The following MMS22L variants were observed in gnomAD, a reference collection of about 807,000 sequenced individuals.
MMS22L encodes MMS22 like, DNA repair protein.
In MMS22L, 74 loss-of-function variants were observed where a neutral mutation model predicts 159.1. That is an observed-to-expected ratio of 0.47 (90% CI 0.39 to 0.56). The LOEUF (loss-of-function observed/expected upper bound fraction) is 0.56. Among genes scored for constraint, MMS22L ranks in the 20% least tolerant of loss-of-function variants. The pLI, the probability that MMS22L is intolerant of heterozygous loss-of-function variation, is 0.00. For missense variants in MMS22L, 1,351 were observed against 1,422.1 expected (o/e 0.95, Z 0.80); for synonymous variants, 517 against 506.9 (o/e 1.02, Z -0.27).
At chr6:97,228,011 G>A (rs1050597370) in intron 14 of MMS22L, among the ~76,000 whole-genome samples, 8 of 152,196 alleles carry the variant, frequency 5.3e-5, no homozygotes, top group African/African-American at 1.9e-4. Flanking sequence ...GTTAATTTCA[G>A]AGCAAACTGG....
chr6:97,190,530 A>T (rs1368891380), intron 14 of MMS22L, among the ~76,000 whole-genome samples: 1 of 152,202 alleles, frequency 6.6e-6, no homozygotes. Flanking sequence ...AAATTTGCTG[A>T]ATGTCAAGTT....
intron 20 of MMS22L, among the ~76,000 whole-genome samples, chr6:97,167,007 T>C (rs2128248618): frequency 1.3e-5 from 2 of 152,276 alleles, no homozygotes; most frequent in South Asian, 2.1e-4. Flanking sequence ...TGAAAAAAGA[T>C]TGTTACATAA....
chr6:97,222,069 A>G (rs1024271015), intron 14 of MMS22L, among the ~76,000 whole-genome samples: 13 of 152,114 alleles, frequency 8.5e-5, no homozygotes, highest in African/African-American at 2.7e-4. Flanking sequence ...TCAAGTGAAC[A>G]GTTCCTCTTG....
chr6:97,233,345 A>C (rs1811067709), intron 12 of MMS22L, among the ~76,000 whole-genome samples: 1 of 152,126 alleles, frequency 6.6e-6, no homozygotes, highest in Non-Finnish European at 1.5e-5. Context: ...TTCTGTTAGA[A>C]AATTCTACTC....
In MMS22L at chr6:97,179,394, G is replaced by A. The variant is rs181680864; in HGVS notation, c.2536+14C>T. ...GATACCCCCATCCTCCCCAAAAAAC[G>A]TACACTTACTTACCAACTGCCTCTT... On this transcript the variant is annotated intron_variant, in intron 17 of 24. Coordinates refer to ENST00000683635, the MANE Select transcript of MMS22L (RefSeq NM_001350599.2). 7.5e-5 allele frequency: 121 copies of A among 1,607,520 alleles called. No individual in the cohort carries two copies. The highest frequency in any genetic ancestry group is 2.4e-4 in the African/African-American group (18 of 74,740).
At position 97,146,345 on chromosome 6, in the gene MMS22L, T is replaced by TC. The variant is rs1800926669; in HGVS notation, c.*460dup. On this transcript the variant is annotated 3_prime_UTR_variant, in exon 25 of 25. Transcript: ENST00000683635. ...ACACAGTCACATTTCCCAACACCTT[T>TC]CCCCCACCAAAAACACAGTATAGGG... is the stretch of plus-strand genomic sequence containing the variant. The TC allele has an allele frequency of 1.3e-5, 2 of 152,268 alleles. No homozygotes were observed. The highest frequency in any genetic ancestry group is 2.9e-5 in the Non-Finnish European group (2 of 68,206). 9.4% of individuals were successfully genotyped at this position (152,268 alleles called of 1,614,324 possible).
intron 14 of MMS22L, among the ~76,000 whole-genome samples, chr6:97,196,525 T>C (rs1444989956): frequency 1.3e-5 from 2 of 152,162 alleles, no homozygotes; most frequent in African/African-American, 4.8e-5. Flanking sequence ...GTAACTATAG[T>C]ATTGATAAGG....
intron 12 of MMS22L, 43 bp from the exon 13 acceptor site, chr6:97,231,695 C>T (rs757153330): frequency 4.3e-6 from 6 of 1,392,234 alleles, no homozygotes; most frequent in Non-Finnish European, 5.0e-6. Context: ...TTATTAGTCT[C>T]TTAGTAAATA....
At chr6:97,192,807 GTGTT>G (rs1271630661) in intron 14 of MMS22L, among the ~76,000 whole-genome samples, 1 of 152,076 alleles carries the variant, frequency 6.6e-6, no homozygotes, top group African/African-American at 2.4e-5. Context: ...CCTATTCTAA[GTGTT>G]TGACCTTTTA....
intron 24 of MMS22L, 27 bp downstream of exon 24, chr6:97,149,826 C>A (rs758974763): frequency 1.9e-6 from 3 of 1,550,746 alleles, no homozygotes; most frequent in Non-Finnish European, 2.6e-6. Flanking sequence ...ACTGCCCCCC[C>A]CAATGTAATT....
intron 14 of MMS22L, among the ~76,000 whole-genome samples, chr6:97,203,926 A>G (rs1562455292): frequency 6.6e-6 from 1 of 152,222 alleles, no homozygotes; most frequent in African/African-American, 2.4e-5. Context: ...TATTTAATGC[A>G]TATTAACAAG....
intron 16 of MMS22L, among the ~76,000 whole-genome samples, chr6:97,180,997 G>A (rs1804647176): frequency 6.6e-6 from 1 of 152,152 alleles, no homozygotes; most frequent in Admixed American, 6.5e-5. Context: ...AGAGGACTAA[G>A]ATCTCATAAA....
rs1562488778 is a variant in MMS22L, at chr6:97,234,023, G to T, written c.1183-43C>A. ...GTTATGAGAAGGTAAATGGGCTCTG[G>T]CAATATAAACATTTTCACTTGATAT... On this transcript the variant is annotated intron_variant, in intron 11 of 24. Transcript: ENST00000683635. 3 of 1,578,090 alleles carry T rather than the reference G, an allele frequency of 1.9e-6. No homozygotes were observed. The South Asian group carries it at 3.5e-5, about 19-fold the overall frequency.
In MMS22L at chr6:97,142,267, A is replaced by T. The variant is rs901290741; in HGVS notation, c.*4539T>A. On this transcript the variant is annotated 3_prime_UTR_variant, in exon 25 of 25. Coordinates refer to ENST00000683635, the MANE Select transcript of MMS22L (RefSeq NM_001350599.2). ...ATGTCCACAATTTTTCTAAAAGCACAATTCACAAATGCAATGAATTGGATA... is the reference window on the plus strand; with the variant it reads ...ATGTCCACAATTTTTCTAAAAGCACTATTCACAAATGCAATGAATTGGATA... 1 of 152,396 alleles carries T rather than the reference A, an allele frequency of 6.6e-6. No individual in the cohort carries two copies. The highest frequency in any genetic ancestry group is 1.9e-4 in the East Asian group (1 of 5,188). 9.4% of individuals were successfully genotyped at this position (152,396 alleles called of 1,614,324 possible).
At chr6:97,165,787 A>C (rs950538408) in intron 20 of MMS22L, among the ~76,000 whole-genome samples, 2 of 152,148 alleles carry the variant, frequency 1.3e-5, no homozygotes, top group African/African-American at 2.4e-5. Flanking sequence ...ATTTATGTGT[A>C]CTTACAAAGT....
intron 23 of MMS22L, 64 bp from the exon 24 acceptor site, chr6:97,150,084 T>A: frequency 7.3e-7 from 1 of 1,372,142 alleles, no homozygotes; most frequent in Non-Finnish European, 1.0e-6. Flanking sequence ...GGTATCTACG[T>A]GGCAATCAAC....
chr6:97,253,697 T>C (rs1334312296), intron 10 of MMS22L: 1 of 152,218 alleles, frequency 6.6e-6, no homozygotes, highest in East Asian at 1.9e-4. Flanking sequence ...TGATCTCAAG[T>C]GATCCACCCG....
chr6:97,198,722 G>A (rs1296940587), intron 14 of MMS22L, among the ~76,000 whole-genome samples: 2 of 152,088 alleles, frequency 1.3e-5, no homozygotes, highest in Non-Finnish European at 2.9e-5. Flanking sequence ...GCTGTTTTAA[G>A]TCTCCTAGAA....
At chr6:97,282,084 A>C (rs1816801399) in intron 2 of MMS22L, among the ~76,000 whole-genome samples, 1 of 152,230 alleles carries the variant, frequency 6.6e-6, no homozygotes, top group Admixed American at 6.5e-5. Context: ...TCCCTACAGT[A>C]AGGGAACATC....
Sources: gnomAD v4.1 joint callset for allele counts (sites outside exome capture counted in the v4.1 genomes callset) on GRCh38, gnomAD v4.1.1 for gene constraint, MANE v1.5 for transcripts, NCBI Gene and HGNC (gene_info 2026-07-23, HGNC 2026-07-21) for gene names.